The following SLC38A12 variants were observed in gnomAD, a reference collection of about 807,000 sequenced individuals.
SLC38A12 encodes the protein putative sodium-coupled neutral amino acid transporter 12.
At chr17:74,813,477 G>C in the SLC38A12 span, among the ~76,000 whole-genome samples, 2 of 151,978 alleles carry the variant, frequency 1.3e-5, no homozygotes, top group Non-Finnish European at 2.9e-5. Context: ...CTTTCTTGTG[G>C]GTTTTTTGTT....
At chr17:74,825,472 C>T in the SLC38A12 span, among the ~76,000 whole-genome samples, 1 of 152,266 alleles carries the variant, frequency 6.6e-6, no homozygotes, top group Admixed American at 6.5e-5. Context: ...GTAATGAACG[C>T]TTGCTGGCAA....
the SLC38A12 span, among the ~76,000 whole-genome samples, chr17:74,812,128 A>G: frequency 6.6e-6 from 1 of 150,710 alleles, no homozygotes; most frequent in Non-Finnish European, 1.5e-5. Flanking sequence ...AGATGTTTGG[A>G]CAGGAGTGAT....
At chr17:74,832,886 A>T in the SLC38A12 span, among the ~76,000 whole-genome samples, 1 of 152,386 alleles carries the variant, frequency 6.6e-6, no homozygotes, top group African/African-American at 2.4e-5. Flanking sequence ...TTTTGCAAAT[A>T]GACTTGTTTA....
At chr17:74,830,302 A>T in the SLC38A12 span, among the ~76,000 whole-genome samples, 3 of 152,154 alleles carry the variant, frequency 2.0e-5, no homozygotes, top group Non-Finnish European at 4.4e-5. Flanking sequence ...GGAGGGAGAG[A>T]TGTTGACTTT....
At chr17:74,813,926 A>T in the SLC38A12 span, among the ~76,000 whole-genome samples, 41 of 152,324 alleles carry the variant, frequency 2.7e-4, no homozygotes, top group African/African-American at 9.9e-4. Context: ...TGGAAGCTGC[A>T]GTCCGCTCCG....
the SLC38A12 span, chr17:74,839,014 G>T: frequency 2.6e-6 from 4 of 1,535,734 alleles, no homozygotes; most frequent in Non-Finnish European, 3.5e-6. Context: ...CCACCTGCAT[G>T]GCCCCAGATG....
chr17:74,798,742 C>G, the SLC38A12 span, among the ~76,000 whole-genome samples: 1 of 142,664 alleles, frequency 7.0e-6, no homozygotes, highest in South Asian at 2.5e-4. Flanking sequence ...CTCAGGCCCC[C>G]CACCCACCCA....
the SLC38A12 span, among the ~76,000 whole-genome samples, chr17:74,826,216 G>A: frequency 1.1e-4 from 16 of 152,300 alleles, no homozygotes; most frequent in East Asian, 2.9e-3. Context: ...GTGGGGAAGT[G>A]GAAGGATGAA....
At chr17:74,783,721 C>CTTTTTTTTTTTTTT in the SLC38A12 span, among the ~76,000 whole-genome samples, 1 of 104,010 alleles carries the variant, frequency 9.6e-6, no homozygotes, top group Non-Finnish European at 1.9e-5. Context: ...CATGCTTTTT[C>CTTTTTTTTTTTTTT]TTTTTTTTTT....
the SLC38A12 span, among the ~76,000 whole-genome samples, chr17:74,796,138 T>C: frequency 2.6e-5 from 4 of 152,284 alleles, no homozygotes; most frequent in East Asian, 7.7e-4. Context: ...AGACGATGAA[T>C]CTCCAGGCTC....
the SLC38A12 span, among the ~76,000 whole-genome samples, chr17:74,811,700 A>G: frequency 6.6e-6 from 1 of 151,944 alleles, no homozygotes. Context: ...TAGCCTGGGC[A>G]GCAGAGTGAG....
chr17:74,788,803 C>G, the SLC38A12 span: 1 of 1,613,460 alleles, frequency 6.2e-7, no homozygotes, highest in Non-Finnish European at 8.5e-7. Context: ...GTGACCACCA[C>G]CTTTGTGATA....
the SLC38A12 span, among the ~76,000 whole-genome samples, chr17:74,787,928 G>C: frequency 6.6e-6 from 1 of 151,840 alleles, no homozygotes; most frequent in Non-Finnish European, 1.5e-5. Context: ...CAAGTAGCTG[G>C]GATTACAGGC....
At chr17:74,789,940 CTTTTTTGT>C in the SLC38A12 span, among the ~76,000 whole-genome samples, 54 of 109,026 alleles carry the variant, frequency 5.0e-4, no homozygotes, top group East Asian at 2.6e-3. Flanking sequence ...TTCTCTCTTT[CTTTTTTGT>C]TTTTTTGTTT....
chr17:74,835,571 G>T, the SLC38A12 span, among the ~76,000 whole-genome samples: 1 of 152,168 alleles, frequency 6.6e-6, no homozygotes, highest in Non-Finnish European at 1.5e-5. Flanking sequence ...AGAGCCCTGG[G>T]GGTCTGATGA....
the SLC38A12 span, among the ~76,000 whole-genome samples, chr17:74,828,557 C>T: frequency 2.0e-5 from 3 of 152,144 alleles, no homozygotes; most frequent in Non-Finnish European, 2.9e-5. Context: ...GGGCAGGGCC[C>T]TCTATGGCTC....
At chr17:74,783,735 T>C in the SLC38A12 span, among the ~76,000 whole-genome samples, 4 of 141,292 alleles carry the variant, frequency 2.8e-5, no homozygotes, top group East Asian at 2.0e-4. Flanking sequence ...TTTTTTTTTT[T>C]TTTTTTTTTT....
chr17:74,819,944 G>A, the SLC38A12 span: 8 of 1,078,268 alleles, frequency 7.4e-6, no homozygotes, highest in Non-Finnish European at 1.1e-5. Flanking sequence ...TAGCTGGAGT[G>A]TGGTGGTGGT....
chr17:74,807,633 CTT>C, the SLC38A12 span, among the ~76,000 whole-genome samples: 1 of 152,384 alleles, frequency 6.6e-6, no homozygotes, highest in Non-Finnish European at 1.5e-5. Flanking sequence ...GCACTTCTGT[CTT>C]TGGGGGGCAG....
Sources: allele counts gnomAD v4.1 joint callset (sites outside exome capture counted in the v4.1 genomes callset), GRCh38; gene constraint gnomAD v4.1.1; transcripts MANE v1.5; gene names NCBI Gene and HGNC (gene_info 2026-07-23, HGNC 2026-07-21).